The following UBE2E2 variants were observed in gnomAD, a reference collection of about 807,000 sequenced individuals.
UBE2E2 encodes ubiquitin conjugating enzyme E2 E2.
UBE2E2 carries 6 observed loss-of-function variants against 24.7 expected under a neutral mutation model. That is an observed-to-expected ratio of 0.24 (90% CI 0.13 to 0.48). The LOEUF (loss-of-function observed/expected upper bound fraction) is 0.48, where lower values mean the gene tolerates loss of function less well. Among genes scored for constraint, UBE2E2 ranks in the 20% least tolerant of loss-of-function variants. The pLI is 0.99. For synonymous variants in UBE2E2, 104 were observed against 83.6 expected (o/e 1.24, Z -1.33); for missense variants, 169 against 245.0 (o/e 0.69, Z 2.07).
chr3:23,423,868 C>T (rs1410887232), intron 3 of UBE2E2, among the ~76,000 whole-genome samples: 1 of 152,170 alleles, frequency 6.6e-6, no homozygotes, highest in East Asian at 1.9e-4. Flanking sequence ...AGGGCCCTCC[C>T]TTAGCAGTGG....
chr3:23,511,025 A>G (rs1234241752), intron 4 of UBE2E2, among the ~76,000 whole-genome samples: 2 of 152,212 alleles, frequency 1.3e-5, no homozygotes, highest in East Asian at 3.9e-4. Flanking sequence ...TGTACCATGC[A>G]GTGGTCTAGA....
chr3:23,369,850 A>T (rs1423477763), intron 3 of UBE2E2, among the ~76,000 whole-genome samples: 2 of 152,184 alleles, frequency 1.3e-5, no homozygotes, highest in Non-Finnish European at 2.9e-5. Context: ...GTGTGTTTGC[A>T]GTTTTGTTTT....
intron 3 of UBE2E2, among the ~76,000 whole-genome samples, chr3:23,443,895 G>A (rs1698362611): frequency 6.6e-6 from 1 of 152,104 alleles, no homozygotes; most frequent in South Asian, 2.1e-4. Context: ...GAGGTTATGT[G>A]CAATCAGTAA....
At chr3:23,207,103 T>C (rs1303475614) in intron 1 of UBE2E2, among the ~76,000 whole-genome samples, 2 of 152,138 alleles carry the variant, frequency 1.3e-5, no homozygotes, top group African/African-American at 4.8e-5. Flanking sequence ...GACAAAACCA[T>C]GGGGAGCACA....
At chr3:23,457,528 T>TTTTTTTG (rs1232079742) in intron 3 of UBE2E2, among the ~76,000 whole-genome samples, 1 of 152,158 alleles carries the variant, frequency 6.6e-6, no homozygotes, top group East Asian at 1.9e-4. Context: ...ATCTTGCACT[T>TTTTTTTG]TTTTTTGTTT....
rs145491128 is a variant in UBE2E2, at chr3:23,505,577, A to G, written c.360+5837A>G. ...TCAGGTGTTTTATAAAACAAGACAA[A>G]AAATTACACACATCAGTAAAGTGTC... On this transcript the variant is annotated intron_variant, in intron 4 of 5. Transcript: ENST00000396703. Among the ~76,000 whole-genome samples the G allele has an allele frequency of 1.3e-3, 201 of 152,330 alleles. 1 individual carries two copies. The highest frequency in any genetic ancestry group is 4.4e-3 in the African/African-American group (183 of 41,564).
intron 3 of UBE2E2, among the ~76,000 whole-genome samples, chr3:23,354,658 G>A (rs1485117838): frequency 1.3e-5 from 2 of 152,200 alleles, no homozygotes; most frequent in Non-Finnish European, 2.9e-5. Flanking sequence ...TCAAAGAAAT[G>A]CAAATCAAAA....
At chr3:23,204,989 T>TA (rs1696108494) in intron 1 of UBE2E2, among the ~76,000 whole-genome samples, 1 of 152,214 alleles carries the variant, frequency 6.6e-6, no homozygotes, top group Non-Finnish European at 1.5e-5. Context: ...ATGTAGTCAG[T>TA]AATATTTCAA....
At chr3:23,472,966 G>A (rs993101987) in intron 3 of UBE2E2, among the ~76,000 whole-genome samples, 1 of 151,976 alleles carries the variant, frequency 6.6e-6, no homozygotes, top group African/African-American at 2.4e-5. Flanking sequence ...TAACACAAAA[G>A]TTTTTAATCC....
intron 5 of UBE2E2, among the ~76,000 whole-genome samples, chr3:23,588,410 G>GTTTTTTTTTTTTTTGT (rs199679364): frequency 5.4e-5 from 7 of 130,058 alleles, no homozygotes; most frequent in South Asian, 2.3e-4. Context: ...TTGTTTTTTT[G>GTTTTTTTTTTTTTTGT]TTTTTTTTTT....
At chr3:23,492,474 T>C (rs1430363340) in intron 3 of UBE2E2, among the ~76,000 whole-genome samples, 11 of 152,198 alleles carry the variant, frequency 7.2e-5, no homozygotes, top group African/African-American at 2.4e-4. Flanking sequence ...ACACATACTT[T>C]AAGAGAATTT....
intron 4 of UBE2E2, among the ~76,000 whole-genome samples, chr3:23,516,348 T>C (rs1213256260): frequency 6.6e-6 from 1 of 152,160 alleles, no homozygotes; most frequent in Non-Finnish European, 1.5e-5. Flanking sequence ...GAAACTGCAT[T>C]ATAACTGTGA....
chr3:23,401,848 C>CTTTTTTTTTTT (rs35903137), intron 3 of UBE2E2, among the ~76,000 whole-genome samples: 1 of 67,660 alleles, frequency 1.5e-5, no homozygotes, highest in Admixed American at 1.8e-4. Context: ...TGCCTGGCTA[C>CTTTTTTTTTTT]TTTTTTTTTT....
chr3:23,266,618 T>C (rs1334331639), intron 3 of UBE2E2, among the ~76,000 whole-genome samples: 7 of 152,098 alleles, frequency 4.6e-5, no homozygotes, highest in Non-Finnish European at 8.8e-5. Context: ...CAATTATGTG[T>C]CTTGGAGTTG....
chr3:23,341,470 G>C (rs1489231728), intron 3 of UBE2E2, among the ~76,000 whole-genome samples: 1 of 152,120 alleles, frequency 6.6e-6, no homozygotes, highest in Non-Finnish European at 1.5e-5. Flanking sequence ...TATAAATACA[G>C]TATATGTTTT....
intron 3 of UBE2E2, among the ~76,000 whole-genome samples, chr3:23,297,382 C>T (rs1156235581): frequency 1.3e-5 from 2 of 151,768 alleles, no homozygotes; most frequent in East Asian, 3.9e-4. Flanking sequence ...GAAGTCCTTG[C>T]CCATGCCTAT....
chr3:23,348,698 T>A (rs1181910767), intron 3 of UBE2E2, among the ~76,000 whole-genome samples: 2 of 152,134 alleles, frequency 1.3e-5, no homozygotes, highest in African/African-American at 4.8e-5. Context: ...ACCTGGGCCC[T>A]GAGGAGGGAA....
intron 3 of UBE2E2, among the ~76,000 whole-genome samples, chr3:23,353,682 A>T (rs1451181186): frequency 2.0e-5 from 3 of 151,984 alleles, no homozygotes; most frequent in Non-Finnish European, 2.9e-5. Flanking sequence ...CTTACAAGGG[A>T]TGTGAAGGAC....
rs1575517151 is a variant in UBE2E2, at chr3:23,266,399, C to T, written c.227+49087C>T. 2.6e-5 allele frequency among the ~76,000 whole-genome samples: 4 copies of T among 152,232 alleles called. No homozygotes were observed. The South Asian group carries it at 6.2e-4, about 24-fold the overall frequency. On this transcript the variant is annotated intron_variant, in intron 3 of 5. Transcript: ENST00000396703. ...TGTAAAGGATTTTATTTCTCCTTCA[C>T]TTATGAAGCTTAGTTTGGCTGGATA...
Sources: gnomAD v4.1 joint callset for allele counts (sites outside exome capture counted in the v4.1 genomes callset) on GRCh38, gnomAD v4.1.1 for gene constraint, MANE v1.5 for transcripts, NCBI Gene and HGNC (gene_info 2026-07-23, HGNC 2026-07-21) for gene names.